The following MAX variants were observed in gnomAD, a reference collection of about 807,000 sequenced individuals.
MAX encodes the protein protein max.
MAX carries 3 observed loss-of-function variants against 22.3 expected under a neutral mutation model. The observed-to-expected ratio is 0.13, with a 90% CI of 0.06 to 0.35. The LOEUF is 0.35. MAX is among the 10% of genes least tolerant of loss of function. The pLI, the probability that MAX is intolerant of heterozygous loss-of-function variation, is 1.00. For missense variants in MAX, 119 were observed against 209.4 expected, an observed-to-expected ratio of 0.57 and a Z score of 2.66; for synonymous variants, 72 against 77.7, an observed-to-expected ratio of 0.93 and a Z score of 0.39.
intron 3 of MAX, among the ~76,000 whole-genome samples, chr14:65,045,079 T>G (rs1335369936): frequency 6.6e-6 from 1 of 152,160 alleles, no homozygotes; most frequent in East Asian, 1.9e-4. Flanking sequence ...GGGTCTCAAA[T>G]GGGAACGCAA....
rs145370107 is a variant in MAX, at chr14:65,077,929, A to G, written c.279T>C (p.Ala93=). 1.7e-5 allele frequency: 27 copies of G among 1,614,136 alleles called. No individual in the cohort carries two copies. In the African/African-American group the frequency reaches 2.5e-4, roughly 15 times the overall value. The change falls in exon 4 of 5, where the codon GCT becomes GCC. Residue 93 remains alanine, a synonymous_variant. Coordinates refer to ENST00000358664, the MANE Select transcript of MAX (RefSeq NM_002382.5). The surrounding 1 kb of genome is among the most constrained non-coding windows in gnomAD (Gnocchi z 6.3). ...GGTGCTCACCTTGCTGCTCCAGAAG[A>G]GCATTCTGCCGCTTGAGGTCGTCAA... ...QDIDDLKRQN[A]LLEQQVRALE... is the part of the protein sequence containing the mutation.
Position 65,069,327 on chromosome 14 carries a change from A to C in MAX, c.171+24381T>G, listed in dbSNP as rs1034795513. On this transcript the variant is annotated intron_variant, in intron 3 of 3. Coordinates refer to the MAX transcript ENST00000341653. The surrounding 1 kb of genome is among the most constrained non-coding windows in gnomAD (Gnocchi z 4.6). The stretch of plus-strand genomic sequence containing the variant: ...TGTGGGCAGGACAGAAGGAGAGCCC[A>C]TCAAGAGCTTGAGAAGCGATGACCT... Among the ~76,000 whole-genome samples, 4 of 151,912 alleles carry C rather than the reference A, an allele frequency of 2.6e-5. No individual in the cohort carries two copies. The highest frequency in any genetic ancestry group is 2.1e-4 in the South Asian group (1 of 4,798).
chr14:65,094,752 C>T (rs1181941756), intron 2 of MAX, among the ~76,000 whole-genome samples: 3 of 152,244 alleles, frequency 2.0e-5, no homozygotes, highest in Non-Finnish European at 4.4e-5. Flanking sequence ...GATAAGAGCA[C>T]TTCAGCAGGT....
downstream of MAX, among the ~76,000 whole-genome samples, chr14:65,073,515 C>G (rs538149873): frequency 6.6e-6 from 1 of 152,136 alleles, no homozygotes; most frequent in Non-Finnish European, 1.5e-5. Context: ...GGAAATAGCA[C>G]GCTTAACAGA....
In MAX at chr14:65,082,724, G is replaced by A. The variant is rs2063230108; in HGVS notation, c.172-4688C>T. On this transcript the variant is annotated intron_variant, in intron 3 of 4. Transcript: ENST00000358664. The surrounding 1 kb of genome is among the most constrained non-coding windows in gnomAD (Gnocchi z 4.8). ...TGAAGCTGCAGTGAGACAGGCTTGT[G>A]CCAACACACTCCAGCCTGAAAAAAA... Among the ~76,000 whole-genome samples the A allele has an allele frequency of 6.6e-6, 1 of 151,572 alleles. No homozygotes were observed. Among genetic ancestry groups the A allele is most frequent in the Admixed American group, 6.6e-5 (1 of 15,206 alleles).
chr14:65,055,096 T>C (rs958295472), intron 3 of MAX, among the ~76,000 whole-genome samples: 1 of 152,246 alleles, frequency 6.6e-6, no homozygotes, highest in Non-Finnish European at 1.5e-5. Context: ...TCAGCTTAGA[T>C]GCCATCTCTT....
chr14:65,044,431 C>A lies in MAX; in HGVS notation c.172-38147G>T. On this transcript the variant is annotated intron_variant, in intron 3 of 3. Coordinates refer to the MAX transcript ENST00000341653. This position sits in a 1 kb window ranked among gnomAD's most constrained non-coding sequence, Gnocchi z 5.5. ...GCTCCTGCCCCTGCTCCACCGCGCA[C>A]TGCACGCCCAAGGTGAGCCTGGGGA... The A allele has an allele frequency of 1.9e-6, 3 of 1,610,496 alleles. No homozygotes were observed. Among genetic ancestry groups the A allele is most frequent in the Non-Finnish European group, 2.5e-6 (3 of 1,178,650 alleles).
Position 65,020,196 on chromosome 14 carries a change from G to T in MAX, c.172-13912C>A, listed in dbSNP as rs1360789824. ...ACAAAATACTTTTGTCAGCTGCTAT[G>T]ACCGCTGACCAAAGCCAGCAAGGCG... On this transcript the variant is annotated intron_variant, in intron 3 of 3. Coordinates refer to the MAX transcript ENST00000341653. Among the ~76,000 whole-genome samples, 4 of 152,216 alleles carry T rather than the reference G, an allele frequency of 2.6e-5. No individual in the cohort carries two copies. In the East Asian group the frequency reaches 7.7e-4, roughly 29 times the overall value.
At chr14:65,066,041 G>A (rs1383395790) in intron 3 of MAX, among the ~76,000 whole-genome samples, 1 of 152,220 alleles carries the variant, frequency 6.6e-6, no homozygotes, top group Non-Finnish European at 1.5e-5. Flanking sequence ...AAGGTGAGAG[G>A]TCTCGGGGAA....
rs539283274 is a variant in MAX, at chr14:65,070,015, C to T, written c.171+23693G>A. 6.6e-6 allele frequency among the ~76,000 whole-genome samples: 1 copy of T among 152,340 alleles called. No homozygotes were observed. The highest frequency in any genetic ancestry group is 6.5e-5 in the Admixed American group (1 of 15,304). Reference sequence around the variant, plus strand: ...TGCCACCCCAGAGCTGTTGATGGCACCAGCAGACAGGAAACAATGAAGCTC... The same window carrying T: ...TGCCACCCCAGAGCTGTTGATGGCATCAGCAGACAGGAAACAATGAAGCTC... On this transcript the variant is annotated intron_variant, in intron 3 of 3. Transcript: ENST00000341653. This position sits in a 1 kb window ranked among gnomAD's most constrained non-coding sequence, Gnocchi z 4.4.
In MAX at chr14:65,088,512, A is replaced by G. The variant is rs2063405709; in HGVS notation, c.171+5196T>C. Among the ~76,000 whole-genome samples, 1 of 152,240 alleles carries G rather than the reference A, an allele frequency of 6.6e-6. No homozygotes were observed. Among genetic ancestry groups the G allele is most frequent in the South Asian group, 2.1e-4 (1 of 4,828 alleles). On this transcript the variant is annotated intron_variant, in intron 3 of 4. Coordinates refer to ENST00000358664, the MANE Select transcript of MAX (RefSeq NM_002382.5). The surrounding 1 kb of genome is among the most constrained non-coding windows in gnomAD (Gnocchi z 5.2). ...GTAATGAGGAGAAGTGGATAGGGCT[A>G]TAGTTTACATTTCATTTAAACGACA...
Position 65,084,428 on chromosome 14 carries a change from G to A in MAX, c.172-6392C>T. The A allele has an allele frequency of 1.5e-6, 1 of 664,082 alleles. No homozygotes were observed. Among genetic ancestry groups the A allele is most frequent in the Non-Finnish European group, 2.7e-6 (1 of 368,586 alleles). The allele number at this position is 664,082 out of a possible 1,614,324, so 41.1% of individuals were successfully genotyped here. A position where few individuals can be genotyped will look rare whatever the true frequency, so the allele number is the denominator to read the frequency against. On this transcript the variant is annotated intron_variant, in intron 3 of 4. Transcript: ENST00000358664. The surrounding 1 kb of genome is among the most constrained non-coding windows in gnomAD (Gnocchi z 4.3). ...AAAAATTCCAGTGATAATGAAACTGGTACTCTCAAAACACTACCAAAAGAC... is the reference window on the plus strand; with the variant it reads ...AAAAATTCCAGTGATAATGAAACTGATACTCTCAAAACACTACCAAAAGAC...
In MAX at chr14:65,052,393, T is replaced by C. The variant is rs144364276; in HGVS notation, c.171+41315A>G. Among the ~76,000 whole-genome samples the C allele has an allele frequency of 6.4e-3, 968 of 152,302 alleles. 10 individuals are homozygous for C. The highest frequency in any genetic ancestry group is 0.011 in the Non-Finnish European group (762 of 68,024). On this transcript the variant is annotated intron_variant, in intron 3 of 3. Coordinates refer to the MAX transcript ENST00000341653. ...TTGGGCATCTTTTTTTTAAAAATGA[T>C]TTATTGTCAGGCATCTTTTAGCCCA...
At position 65,084,269 on chromosome 14, in the gene MAX, G is replaced by A; in HGVS notation, c.172-6233C>T. Reference sequence around the variant, plus strand: ...ATCAAACTTTGACGATGAAGGACAGGAGTACACAATTTCCAAAAGAGGAAA... The same window carrying A: ...ATCAAACTTTGACGATGAAGGACAGAAGTACACAATTTCCAAAAGAGGAAA... On this transcript the variant is annotated intron_variant, in intron 3 of 4. Transcript: ENST00000358664. This position sits in a 1 kb window ranked among gnomAD's most constrained non-coding sequence, Gnocchi z 4.3. 1.2e-6 allele frequency: 2 copies of A among 1,611,620 alleles called. No individual in the cohort carries two copies. The highest frequency in any genetic ancestry group is 1.7e-6 in the Non-Finnish European group (2 of 1,177,810).
rs2061695343 is a variant in MAX, at chr14:65,012,257, CGT to C, written c.172-5975_172-5974del. 1 of 1,601,584 alleles carries C rather than the reference CGT, an allele frequency of 6.2e-7. No homozygotes were observed. Among genetic ancestry groups the C allele is most frequent in the South Asian group, 1.1e-5 (1 of 90,658 alleles). On this transcript the variant is annotated intron_variant, in intron 3 of 3. Transcript: ENST00000341653. The surrounding 1 kb of genome is among the most constrained non-coding windows in gnomAD (Gnocchi z 5.0). ...ACCCGTGTGTGTGTACGTGCACATA[CGT>C]GTGTATGGTGGAAGCATAAGCTATT...
At chr14:65,051,087 G>C (rs926443743) in intron 3 of MAX, among the ~76,000 whole-genome samples, 12 of 152,236 alleles carry the variant, frequency 7.9e-5, no homozygotes, top group African/African-American at 1.9e-4. Flanking sequence ...CAGCCAGCCT[G>C]AGATGGGAGA....
At chr14:65,020,152 G>A (rs1025466497) in intron 3 of MAX, among the ~76,000 whole-genome samples, 1 of 152,138 alleles carries the variant, frequency 6.6e-6, no homozygotes, top group East Asian at 1.9e-4. Flanking sequence ...AATATGATAA[G>A]CTGGGTTCCC....
intron 3 of MAX, among the ~76,000 whole-genome samples, chr14:65,064,151 G>T (rs761426947): frequency 3.3e-5 from 5 of 152,078 alleles, no homozygotes; most frequent in Non-Finnish European, 4.4e-5. Context: ...TCCCTTCTTG[G>T]TATTATTGAG....
Position 65,077,480 on chromosome 14 carries a change from G to A in MAX, c.295+433C>T. On this transcript the variant is annotated intron_variant, in intron 4 of 4. Transcript: ENST00000358664. The surrounding 1 kb of genome is among the most constrained non-coding windows in gnomAD (Gnocchi z 6.3). ...GAGCATTGAGAACAGCATGGGCCTA[G>A]CCCATAGGCTGCCCTGATTGGACTA... The A allele has an allele frequency of 8.2e-7, 1 of 1,224,820 alleles. No homozygotes were observed. Among genetic ancestry groups the A allele is most frequent in the African/African-American group, 1.5e-5 (1 of 67,496 alleles). 75.9% of individuals were successfully genotyped at this position (1,224,820 alleles called of 1,614,324 possible).
Sources: gnomAD v4.1 joint callset for allele counts (sites outside exome capture counted in the v4.1 genomes callset) on GRCh38, gnomAD v4.1.1 for gene constraint, Gnocchi (gnomAD v3.1) non-coding constraint, MANE v1.5 for transcripts, NCBI Gene and HGNC (gene_info 2026-07-23, HGNC 2026-07-21) for gene names.